Variants in CYP2J2 observed in about 807,000 individuals in gnomAD.
CYP2J2 encodes cytochrome P450 2J2.
In CYP2J2, 41 loss-of-function variants were observed where a neutral mutation model predicts 48.8. The observed-to-expected ratio is 0.84, with a 90% CI of 0.66 to 1.09. The LOEUF is 1.09. CYP2J2 is among the 50% of genes least tolerant of loss of function. The pLI is 0.00. For synonymous variants in CYP2J2, 221 were observed against 227.1 expected, an observed-to-expected ratio of 0.97 and a Z score of 0.24; for missense variants, 644 against 617.3, an observed-to-expected ratio of 1.04 and a Z score of -0.46.
chr1:59,915,810 A>G (rs928194028), intron 2 of CYP2J2, 128 bp downstream of exon 2: 1 of 791,032 alleles, frequency 1.3e-6, no homozygotes, highest in East Asian at 2.6e-5. Context: ...AGCTTTCTTT[A>G]GTGGCAGGAA....
At chr1:59,911,399 G>T (rs1448107507) in intron 4 of CYP2J2, among the ~76,000 whole-genome samples, 1 of 152,130 alleles carries the variant, frequency 6.6e-6, no homozygotes, top group Non-Finnish European at 1.5e-5. Context: ...TTACATGCAT[G>T]TTAGAAATGG....
rs138296877 is a variant in CYP2J2 at position 59,925,858 on chromosome 1, G to A, written c.210+679C>T. On this transcript the variant is annotated intron_variant, in intron 1 of 8. Transcript: ENST00000371204. ...TCTCTCAGCAAGTTACCTGTGCTGAGTGGCAGGAAAACCAGTATTGGTTTC... is the reference window on the plus strand; with the variant it reads ...TCTCTCAGCAAGTTACCTGTGCTGAATGGCAGGAAAACCAGTATTGGTTTC... Among the ~76,000 whole-genome samples, 158 of 152,320 alleles carry A rather than the reference G, an allele frequency of 1.0e-3. 1 individual carries two copies. The highest frequency in any genetic ancestry group is 6.8e-3 in the Middle Eastern group (2 of 294).
At chr1:59,923,963 A>T (rs1157492592) in intron 1 of CYP2J2, among the ~76,000 whole-genome samples, 1 of 152,194 alleles carries the variant, frequency 6.6e-6, no homozygotes, top group Non-Finnish European at 1.5e-5. Context: ...CCCAAACAGG[A>T]TAAACCCAAA....
the CYP2J2 span, among the ~76,000 whole-genome samples, chr1:59,946,463 T>A: frequency 6.6e-6 from 1 of 152,250 alleles, no homozygotes; most frequent in Non-Finnish European, 1.5e-5. Context: ...TAATTCTCAT[T>A]TAGCATATGA....
At chr1:59,956,766 T>C in the CYP2J2 span, among the ~76,000 whole-genome samples, 2 of 152,124 alleles carry the variant, frequency 1.3e-5, no homozygotes, top group Admixed American at 6.5e-5. Flanking sequence ...CTGGAAATTA[T>C]CTGTTTTTCA....
the CYP2J2 span, among the ~76,000 whole-genome samples, chr1:59,943,644 C>G: frequency 1.3e-5 from 2 of 151,278 alleles, no homozygotes; most frequent in Admixed American, 1.3e-4. Flanking sequence ...AGTTCAAGAG[C>G]TTTCAAAAGT....
chr1:59,914,891 C>T (rs1004911499), intron 2 of CYP2J2, among the ~76,000 whole-genome samples: 7 of 152,146 alleles, frequency 4.6e-5, no homozygotes, highest in Non-Finnish European at 5.9e-5. Context: ...TGGAATGTTT[C>T]GGTATAAAAC....
chr1:59,965,090 G>A, the CYP2J2 span, among the ~76,000 whole-genome samples: 1 of 152,192 alleles, frequency 6.6e-6, no homozygotes, highest in Non-Finnish European at 1.5e-5. Flanking sequence ...GGAGTAAAGA[G>A]TAATTATAAT....
At chr1:59,927,004 C>T (rs1042424490), upstream of CYP2J2, among the ~76,000 whole-genome samples, 1 of 152,244 alleles carries the variant, frequency 6.6e-6, no homozygotes, top group African/African-American at 2.4e-5. Flanking sequence ...AGCCTCTGTT[C>T]GGTTCAATCA....
At chr1:59,908,236 C>T (rs1295646111) in intron 5 of CYP2J2, among the ~76,000 whole-genome samples, 1 of 152,182 alleles carries the variant, frequency 6.6e-6, no homozygotes, top group African/African-American at 2.4e-5. Context: ...GATTTGGCTT[C>T]CAATATTAAC....
At chr1:59,932,704 A>ATTTT in the CYP2J2 span, among the ~76,000 whole-genome samples, 5 of 144,662 alleles carry the variant, frequency 3.5e-5, no homozygotes, top group African/African-American at 1.3e-4. Flanking sequence ...TTCTTATTCT[A>ATTTT]TTTTTTTTTT....
At chr1:59,916,790 T>C (rs1357070048) in intron 1 of CYP2J2, among the ~76,000 whole-genome samples, 1 of 151,950 alleles carries the variant, frequency 6.6e-6, no homozygotes, top group Non-Finnish European at 1.5e-5. Flanking sequence ...GTCTAGTGAA[T>C]AGAGAGAATT....
At chr1:59,894,330 C>T (rs1644250299) in intron 8 of CYP2J2, among the ~76,000 whole-genome samples, 1 of 152,214 alleles carries the variant, frequency 6.6e-6, no homozygotes, top group Non-Finnish European at 1.5e-5. Flanking sequence ...GGGGGACCTA[C>T]TGGCATGGGT....
chr1:59,918,289 G>C (rs1644484139), intron 1 of CYP2J2, among the ~76,000 whole-genome samples: 4 of 152,084 alleles, frequency 2.6e-5, no homozygotes, highest in Admixed American at 2.6e-4. Flanking sequence ...GTTTTTGGAA[G>C]AGCTGAAAAA....
At chr1:59,936,758 C>T in the CYP2J2 span, among the ~76,000 whole-genome samples, 335 of 152,272 alleles carry the variant, frequency 2.2e-3, 1 homozygote, top group Non-Finnish European at 2.9e-3. Flanking sequence ...CACTGTCCCA[C>T]GACATGGGAT....
At chr1:59,945,258 C>T in the CYP2J2 span, among the ~76,000 whole-genome samples, 1 of 152,080 alleles carries the variant, frequency 6.6e-6, no homozygotes, top group Non-Finnish European at 1.5e-5. Context: ...GCCCATCTGA[C>T]ACTATTTTGT....
intron 7 of CYP2J2, among the ~76,000 whole-genome samples, chr1:59,902,997 A>G (rs1278051369): frequency 1.3e-5 from 2 of 152,224 alleles, no homozygotes; most frequent in African/African-American, 4.8e-5. Context: ...TGATTTTTAA[A>G]GCTGACAAAA....
the CYP2J2 span, among the ~76,000 whole-genome samples, chr1:59,934,960 C>A: frequency 5.9e-5 from 7 of 119,020 alleles, no homozygotes; most frequent in Non-Finnish European, 1.1e-4. Context: ...CTAAGTGCCT[C>A]CTGATAGATG....
the CYP2J2 span, among the ~76,000 whole-genome samples, chr1:59,964,085 T>G: frequency 6.6e-6 from 1 of 152,196 alleles, no homozygotes; most frequent in African/African-American, 2.4e-5. Flanking sequence ...AAGACCAGCC[T>G]CTTAATTTTT....
Sources: allele counts gnomAD v4.1 joint callset (sites outside exome capture counted in the v4.1 genomes callset), GRCh38; gene constraint gnomAD v4.1.1; transcripts MANE v1.5; gene names NCBI Gene and HGNC (gene_info 2026-07-23, HGNC 2026-07-21).